The following CNTNAP4 variants were observed in gnomAD, a reference collection of about 807,000 sequenced individuals.
The protein encoded by CNTNAP4 is contactin associated protein family member 4, also known as contactin-associated protein-like 4.
In CNTNAP4, 98 loss-of-function variants were observed where a neutral mutation model predicts 148.4. The ratio of observed to expected loss-of-function variants is 0.66; its 90% CI spans 0.56 to 0.78. The LOEUF (loss-of-function observed/expected upper bound fraction) is 0.78. Among genes scored for constraint, CNTNAP4 ranks in the 30% least tolerant of loss-of-function variants. CNTNAP4 has a pLI of 0.00. For synonymous variants in CNTNAP4, 730 were observed against 565.1 expected, an observed-to-expected ratio of 1.29 and a Z score of -4.14; for missense variants, 1,935 against 1,565.6, an observed-to-expected ratio of 1.24 and a Z score of -3.98.
Position 76,467,340 on chromosome 16 carries a change from C to T in CNTNAP4, c.1484-12C>T, listed in dbSNP as rs374468325. The T allele has an allele frequency of 1.4e-5, 23 of 1,612,520 alleles. No homozygotes were observed. The highest frequency in any genetic ancestry group is 5.3e-5 in the African/African-American group (4 of 75,002). On this transcript the variant is annotated splice_polypyrimidine_tract_variant and intron_variant, in intron 9 of 23. Coordinates refer to ENST00000611870, the MANE Select transcript of CNTNAP4 (RefSeq NM_033401.5). ...ATTGTGATGCGTACTGGATTTATTT[C>T]GTTTTTATCAGGTTGTCCTGACAAA...
intron 4 of CNTNAP4, among the ~76,000 whole-genome samples, chr16:76,441,299 A>T (rs1417261372): frequency 6.6e-6 from 1 of 152,286 alleles, no homozygotes; most frequent in Non-Finnish European, 1.5e-5. Context: ...TGCTGCAGGA[A>T]AAAAGGCAGA....
intron 2 of CNTNAP4, among the ~76,000 whole-genome samples, chr16:76,328,931 C>T (rs898681952): frequency 6.6e-6 from 1 of 152,202 alleles, no homozygotes; most frequent in Non-Finnish European, 1.5e-5. Context: ...GCCACTGTGC[C>T]TGGCACCTGT....
intron 8 of CNTNAP4, among the ~76,000 whole-genome samples, chr16:76,461,046 T>C (rs531023306): frequency 1.3e-4 from 19 of 151,918 alleles, no homozygotes; most frequent in African/African-American, 3.9e-4. Context: ...ATTGGACTTA[T>C]GGCCAACAGC....
intron 1 of CNTNAP4, among the ~76,000 whole-genome samples, chr16:76,285,159 GT>G (rs199715709): frequency 6.6e-6 from 1 of 151,538 alleles, no homozygotes; most frequent in African/African-American, 2.4e-5. Flanking sequence ...ATGCTTGGGT[GT>G]TTTTTTTCCC....
At chr16:76,387,050 C>CA (rs5817991) in intron 3 of CNTNAP4, among the ~76,000 whole-genome samples, 1 of 151,866 alleles carries the variant, frequency 6.6e-6, no homozygotes, top group Non-Finnish European at 1.5e-5. Context: ...ATAAAGCCTC[C>CA]AAAAAAAGCA....
rs1431229360 is a variant in CNTNAP4, at chr16:76,374,557, GGAAATAAATTGGTCTGT to G, written c.390+19047_390+19063del. On this transcript the variant is annotated intron_variant, in intron 3 of 23. Coordinates refer to ENST00000611870, the MANE Select transcript of CNTNAP4 (RefSeq NM_033401.5). ...GTAAATAATGAAATTTATCTGGATT[GGAAATAAATTGGTCTGT>G]CCAGCCTTCTTGTTCTCATAAAATC... 1.3e-4 allele frequency among the ~76,000 whole-genome samples: 20 copies of G among 151,962 alleles called. No homozygotes were observed. The East Asian group carries it at 3.9e-3, about 29-fold the overall frequency.
intron 2 of CNTNAP4, among the ~76,000 whole-genome samples, chr16:76,335,162 T>G (rs1963909741): frequency 6.6e-6 from 1 of 152,150 alleles, no homozygotes; most frequent in South Asian, 2.1e-4. Context: ...ATTCTGCTTT[T>G]CTGCATGACA....
At chr16:76,500,040 G>A (rs1480539157) in intron 15 of CNTNAP4, among the ~76,000 whole-genome samples, 6 of 152,094 alleles carry the variant, frequency 3.9e-5, no homozygotes, top group Non-Finnish European at 7.4e-5. Context: ...AACCGCCATC[G>A]TCATCATGGC....
At chr16:76,349,551 C>G (rs1008997086) in intron 2 of CNTNAP4, among the ~76,000 whole-genome samples, 10 of 152,146 alleles carry the variant, frequency 6.6e-5, no homozygotes, top group African/African-American at 1.2e-4. Flanking sequence ...GTACCACGTT[C>G]TTTCCATTTC....
chr16:76,548,122 C>T (rs1448009186), intron 21 of CNTNAP4, among the ~76,000 whole-genome samples: 1 of 152,094 alleles, frequency 6.6e-6, no homozygotes, highest in Non-Finnish European at 1.5e-5. Context: ...GTTTGGTTGG[C>T]AAACAAATAC....
At chr16:76,333,295 C>G (rs963106191) in intron 2 of CNTNAP4, among the ~76,000 whole-genome samples, 1 of 152,076 alleles carries the variant, frequency 6.6e-6, no homozygotes, top group African/African-American at 2.4e-5. Context: ...ACTACGCTTT[C>G]TGTTTCTTGA....
rs375903017 is a variant in CNTNAP4 at position 76,347,863 on chromosome 16, T to C, written c.197-7455T>C. On this transcript the variant is annotated intron_variant, in intron 2 of 23. Coordinates refer to ENST00000611870, the MANE Select transcript of CNTNAP4 (RefSeq NM_033401.5). ...GGGGGTGGTTTAAGGGGGCAGATCATTGAGGACATTGCAGGTGGCATAGTG... is the reference window on the plus strand; with the variant it reads ...GGGGGTGGTTTAAGGGGGCAGATCACTGAGGACATTGCAGGTGGCATAGTG... Among the ~76,000 whole-genome samples the C allele has an allele frequency of 6.1e-4, 93 of 152,226 alleles. No homozygotes were observed. The South Asian group carries it at 0.018, about 29-fold the overall frequency.
chr16:76,334,014 A>T (rs920484677), intron 2 of CNTNAP4, among the ~76,000 whole-genome samples: 1 of 151,592 alleles, frequency 6.6e-6, no homozygotes, highest in Admixed American at 6.6e-5. Flanking sequence ...GCCAATGATG[A>T]TGAGCATTTT....
chr16:76,510,608 T>A (rs188579104), intron 15 of CNTNAP4, among the ~76,000 whole-genome samples: 9 of 152,312 alleles, frequency 5.9e-5, no homozygotes, highest in Admixed American at 5.9e-4. Flanking sequence ...GCATATATGA[T>A]CCCATACTTG....
At chr16:76,511,904 G>A (rs1249465893) in intron 15 of CNTNAP4, among the ~76,000 whole-genome samples, 1 of 152,000 alleles carries the variant, frequency 6.6e-6, no homozygotes, top group Non-Finnish European at 1.5e-5. Context: ...AAGCTGGTAA[G>A]AGCTATGAGG....
At chr16:76,358,272 G>C (rs2012961075) in intron 3 of CNTNAP4, among the ~76,000 whole-genome samples, 1 of 152,176 alleles carries the variant, frequency 6.6e-6, no homozygotes, top group Non-Finnish European at 1.5e-5. Flanking sequence ...GGAGGCAGAG[G>C]TTGCAGTGAG....
At chr16:76,519,005 G>T (rs2083358118) in intron 15 of CNTNAP4, among the ~76,000 whole-genome samples, 1 of 152,036 alleles carries the variant, frequency 6.6e-6, no homozygotes, top group South Asian at 2.1e-4. Context: ...CCCTCTCTTT[G>T]CCCTTCCTTT....
At chr16:76,514,072 C>A (rs1215144953) in intron 15 of CNTNAP4, among the ~76,000 whole-genome samples, 1 of 152,108 alleles carries the variant, frequency 6.6e-6, no homozygotes, top group East Asian at 1.9e-4. Context: ...ATAATATGTT[C>A]TCCTTTTATA....
At chr16:76,460,773 A>AAAAAAAATAT in intron 8 of CNTNAP4, among the ~76,000 whole-genome samples, 1 of 57,322 alleles carries the variant, frequency 1.7e-5, no homozygotes, top group African/African-American at 6.4e-5. Context: ...AAAAAAAAAA[A>AAAAAAAATAT]ATATATATAT....
Sources: allele counts gnomAD v4.1 joint callset (sites outside exome capture counted in the v4.1 genomes callset), GRCh38; gene constraint gnomAD v4.1.1; transcripts MANE v1.5; gene names NCBI Gene and HGNC (gene_info 2026-07-23, HGNC 2026-07-21).